The following ALAD variants were observed in gnomAD, a reference collection of about 807,000 sequenced individuals.
ALAD encodes the protein aminolevulinate dehydratase, also known as delta-aminolevulinic acid dehydratase.
ALAD carries 20 observed loss-of-function variants against 44.4 expected under a neutral mutation model. The observed-to-expected ratio is 0.45, with a 90% confidence interval of 0.32 to 0.65. ALAD has a LOEUF of 0.65. ALAD is among the 30% of genes least tolerant of loss of function. The probability of loss-of-function intolerance (pLI) is 0.05; values close to 1 mark genes in which losing one functional copy is unlikely to be tolerated. For synonymous variants in ALAD, 156 were observed against 167.9 expected, an observed-to-expected ratio of 0.93 and a Z score of 0.55; for missense variants, 323 against 445.7, an observed-to-expected ratio of 0.72 and a Z score of 2.48.
In ALAD at chr9:113,393,530, G is replaced by C; in HGVS notation, c.30C>G (p.Gly10=). 1.9e-6 allele frequency: 3 copies of C among 1,613,948 alleles called. No homozygotes were observed. Among genetic ancestry groups the C allele is most frequent in the Non-Finnish European group, 2.5e-6 (3 of 1,180,052 alleles). The part of the protein sequence containing the change: MQPQSVLHS[G]YFHPLLRAWQ... ...AGGCCCGAAGTAGTGGGTGGAAGTA[G>C]CCGCTGTGCAGAACGGACTGGGGCT... The change falls in exon 2 of 12, where the codon GGC becomes GGG. Residue 10 remains glycine (G), a synonymous_variant. Transcript: ENST00000409155.
At chr9:113,398,597 C>A (rs818687) in intron 1 of ALAD, among the ~76,000 whole-genome samples, 26,919 of 152,166 alleles carry the variant, frequency 0.18, 2,532 homozygotes, top group African/African-American at 0.22. Context: ...TGAGAAACGG[C>A]TGTCAGTGCT....
At chr9:113,395,858 G>C (rs1039193171) in intron 1 of ALAD, among the ~76,000 whole-genome samples, 2 of 152,178 alleles carry the variant, frequency 1.3e-5, no homozygotes, top group Non-Finnish European at 1.5e-5. Context: ...TGGAGTTTGA[G>C]ACCAGGCTGG....
chr9:113,392,978 T>C (rs1473599470), intron 2 of ALAD, among the ~76,000 whole-genome samples: 2 of 152,044 alleles, frequency 1.3e-5, no homozygotes, highest in African/African-American at 2.4e-5. Context: ...CCACCACGCC[T>C]GGCTAATTTC....
chr9:113,388,196 G>T lies in ALAD; in HGVS notation c.*104C>A. The T allele has an allele frequency of 1.6e-6, 2 of 1,226,118 alleles. No individual in the cohort carries two copies. Among genetic ancestry groups the T allele is most frequent in the African/African-American group, 1.5e-5 (1 of 67,156 alleles). 76.0% of individuals were successfully genotyped at this position (1,226,118 alleles called of 1,614,324 possible). A position where few individuals can be genotyped will look rare whatever the true frequency, so the allele number is the denominator to read the frequency against. On this transcript the variant is annotated 3_prime_UTR_variant, in exon 12 of 12. Coordinates refer to ENST00000409155, the MANE Select transcript of ALAD (RefSeq NM_000031.6). ...CCGCTAGCATGTGAGCAGGAAGAGG[G>T]CATGAGGGCACAGTTCTAAAAGCAG... is the stretch of plus-strand genomic sequence containing the variant.
rs1419493149 is a variant in ALAD at position 113,387,466 on chromosome 9, T to C, written c.*834A>G. 6.6e-6 allele frequency: 1 copy of C among 152,260 alleles called. No individual in the cohort carries two copies. The highest frequency in any genetic ancestry group is 1.9e-4 in the East Asian group (1 of 5,198). 9.4% of individuals were successfully genotyped at this position (152,260 alleles called of 1,614,324 possible). On this transcript the variant is annotated 3_prime_UTR_variant, in exon 12 of 12. Transcript: ENST00000409155. ...GACCCCTTCTTTCCTTCAAAGCACT[T>C]ATCACAATTTGTAACTGCTTTATTT...
chr9:113,392,125 A>G lies in ALAD; in HGVS notation c.158T>C (p.Val53Ala). 1 of 1,612,250 alleles carries G rather than the reference A, an allele frequency of 6.2e-7. No homozygotes were observed. Among genetic ancestry groups the G allele is most frequent in the Non-Finnish European group, 8.5e-7 (1 of 1,179,358 alleles). The change falls in exon 3 of 12, where the codon GTG becomes GCG. Residue 53 changes from valine to alanine, a missense_variant. Physicochemically the swap from Val to Ala is moderately conservative, Grantham distance 64. Transcript: ENST00000409155. ...CCAACTCCACGTCTCCTACCTGGCC[A>G]CTCCTGGGAGGCTGGTGATAGGCTG... Reference protein sequence around the residue: ...DIQPITSLPGVARYGVKRLEE... With the variant: ...DIQPITSLPGAARYGVKRLEE...
chr9:113,392,815 CTTTTTT>C (rs34148636), intron 2 of ALAD, among the ~76,000 whole-genome samples: 12 of 113,088 alleles, frequency 1.1e-4, no homozygotes, highest in African/African-American at 3.8e-4. Context: ...ATTGCCATCT[CTTTTTT>C]TTTTTTTTTT....
In ALAD at chr9:113,389,431, TG is replaced by T. The variant is rs763700720; in HGVS notation, c.801+6del. ...CTGAGCCCCCTTTGCCTCGTACCTG[TG>T]CTCACCTTGTCCTTTACCTCCCGCA... On this transcript the variant is annotated splice_donor_region_variant and intron_variant, in intron 10 of 11. Coordinates refer to ENST00000409155, the MANE Select transcript of ALAD (RefSeq NM_000031.6). 6.2e-7 allele frequency: 1 copy of T among 1,613,058 alleles called. No individual in the cohort carries two copies. Among genetic ancestry groups the T allele is most frequent in the Admixed American group, 1.7e-5 (1 of 60,024 alleles).
rs1459780307 is a variant in ALAD at position 113,390,846 on chromosome 9, C to G, written c.349G>C (p.Val117Leu). Reference protein sequence around the residue: ...LLRKTFPNLLVACDVCLCPYT... With the variant: ...LLRKTFPNLLLACDVCLCPYT... ...GGACACAGGCAGACATCACAGGCCA[C>G]CAGGAGGTTGGGGAAGGTCTTCCTC... Residue 117 changes from valine (V) to leucine (L), a missense_variant, in exon 5 of 12, where the codon GTG (valine) becomes CTG (leucine). Physicochemically the swap from Val to Leu is conservative, Grantham distance 32 (BLOSUM62 1). Coordinates refer to ENST00000409155, the MANE Select transcript of ALAD (RefSeq NM_000031.6). 6.2e-7 allele frequency: 1 copy of G among 1,613,760 alleles called. No homozygotes were observed. The highest frequency in any genetic ancestry group is 1.3e-5 in the African/African-American group (1 of 74,888).
intron 10 of ALAD, 132 bp downstream of exon 10, chr9:113,389,306 G>C: frequency 7.5e-7 from 1 of 1,326,268 alleles, no homozygotes; most frequent in Middle Eastern, 2.5e-4. Context: ...AGGCCACGAT[G>C]GTTCCTGGGC....
chr9:113,394,025 A>G (rs1434214131), intron 1 of ALAD, among the ~76,000 whole-genome samples: 8 of 149,770 alleles, frequency 5.3e-5, no homozygotes, highest in Admixed American at 5.3e-4. Context: ...TGCAGCCTTG[A>G]CCTCCCGGGC....
chr9:113,389,629 A>AGG lies in ALAD; in HGVS notation c.682_683dup (p.Gly229LeufsTer24), dbSNP rs1564369378. On this transcript the variant is annotated frameshift_variant, in exon 9 of 12. Coordinates refer to ENST00000409155, the MANE Select transcript of ALAD (RefSeq NM_000031.6). LOFTEE classifies it high-confidence loss of function. ...CTCGGAGAGCCAGGCCTCGTGCTCC[A>AGG]GGGGGCAGCTGGTAGCAGCGGCGGT... 6.2e-7 allele frequency: 1 copy of AGG among 1,614,196 alleles called. No homozygotes were observed.
Position 113,389,742 on chromosome 9 carries a change from T to C in ALAD, c.626+31A>G, listed in dbSNP as rs903298299. 2.5e-6 allele frequency: 4 copies of C among 1,614,204 alleles called. No individual in the cohort carries two copies. The South Asian group carries it at 4.4e-5, about 18-fold the overall frequency. On this transcript the variant is annotated intron_variant, in intron 8 of 11. Coordinates refer to ENST00000409155, the MANE Select transcript of ALAD (RefSeq NM_000031.6). Reference sequence around the variant, plus strand: ...AGCTTTGGGCCAAAGGGCCAGGGATTCACAGCAGACCCCTGCCCACCCCTG... The same window carrying C: ...AGCTTTGGGCCAAAGGGCCAGGGATCCACAGCAGACCCCTGCCCACCCCTG...
Position 113,390,649 on chromosome 9 carries a change from C to T in ALAD, c.425G>A (p.Arg142Gln), listed in dbSNP as rs202213170. The T allele has an allele frequency of 7.9e-5, 127 of 1,614,018 alleles. No homozygotes were observed. The highest frequency in any genetic ancestry group is 6.7e-4 in the Admixed American group (40 of 60,006). ...CAGCCGCTGGCGGCTCTCCTCAGCC[C>T]GGAATGCTCCGTTTTCACTCAGGAG... ...CGLLSENGAF[R>Q]AEESRQRLAE... is the part of the protein sequence containing the mutation. The change falls in exon 6 of 12, where the codon CGG becomes CAG. Residue 142 changes from arginine (R) to glutamine (Q), a missense_variant. Physicochemically the swap from Arg to Gln is conservative, Grantham distance 43 (BLOSUM62 1). Coordinates refer to ENST00000409155, the MANE Select transcript of ALAD (RefSeq NM_000031.6).
At chr9:113,398,013 T>C (rs1170765772) in intron 1 of ALAD, 1 of 152,186 alleles carries the variant, frequency 6.6e-6, no homozygotes, top group African/African-American at 2.4e-5. Flanking sequence ...GAGCCAGAAT[T>C]TGAATTTGTT....
rs752170688 is a variant in ALAD, at chr9:113,391,559, A to G, written c.229T>C (p.Leu77=). The change falls in exon 4 of 12, where the codon TTG becomes CTG. Residue 77 remains leucine, a synonymous_variant. Transcript: ENST00000409155. The stretch of plus-strand genomic sequence containing the variant: ...ACTCTGCTGGGGACGCCAAAGATCA[A>G]GACACAGCGTAGGCCCTCTTCCACC... ...PLVEEGLRCV[L]IFGVPSRVPK... 1 of 1,614,118 alleles carries G rather than the reference A, an allele frequency of 6.2e-7. No individual in the cohort carries two copies. Among genetic ancestry groups the G allele is most frequent in the South Asian group, 1.1e-5 (1 of 91,088 alleles).
rs946486454 is a variant in ALAD, at chr9:113,401,266, G to C, written c.-130C>G. On this transcript the variant is annotated 5_prime_UTR_variant, in exon 1 of 12. Transcript: ENST00000409155. ...TCCTGTCACCGCTGTCTCCCGCTCC[G>C]GTCTCCCACAGACCGCGTAAGAGCG... 6.6e-6 allele frequency: 1 copy of C among 151,780 alleles called. No individual in the cohort carries two copies. Among genetic ancestry groups the C allele is most frequent in the Non-Finnish European group, 1.5e-5 (1 of 68,226 alleles). The allele number at this position is 151,780 out of a possible 1,614,324, so 9.4% of individuals were successfully genotyped here. A position where few individuals can be genotyped will look rare whatever the true frequency, so the allele number is the denominator to read the frequency against.
intron 1 of ALAD, among the ~76,000 whole-genome samples, chr9:113,399,043 C>T (rs1827799461): frequency 6.6e-6 from 1 of 152,212 alleles, no homozygotes; most frequent in Non-Finnish European, 1.5e-5. Context: ...GGAGGTCCAG[C>T]ACCTCTGCCC....
rs548505666 is a variant in ALAD at position 113,393,877 on chromosome 9, C to T, written c.-75-243G>A. Among the ~76,000 whole-genome samples the T allele has an allele frequency of 2.6e-5, 4 of 152,024 alleles. No homozygotes were observed. The East Asian group carries it at 7.7e-4, about 29-fold the overall frequency. Reference sequence around the variant, plus strand: ...TTTGGGCTTGTATTTTATGTGACTGCTTCTTGTTCATTATTATCTTTTAAA... The same window carrying T: ...TTTGGGCTTGTATTTTATGTGACTGTTTCTTGTTCATTATTATCTTTTAAA... On this transcript the variant is annotated intron_variant, in intron 1 of 11. Transcript: ENST00000409155.
Sources: gnomAD v4.1 joint callset for allele counts (sites outside exome capture counted in the v4.1 genomes callset) on GRCh38, gnomAD v4.1.1 for gene constraint, MANE v1.5 for transcripts, NCBI Gene and HGNC (gene_info 2026-07-23, HGNC 2026-07-21) for gene names.